LRRC8D: variants seen among roughly 807,000 people sequenced by gnomAD.
LRRC8D encodes the protein volume-regulated anion channel subunit LRRC8D.
LRRC8D carries 20 observed loss-of-function variants against 55.8 expected under a neutral mutation model. That is an observed-to-expected ratio of 0.36 (90% confidence interval 0.25 to 0.52). The LOEUF (loss-of-function observed/expected upper bound fraction) is 0.52. LRRC8D is among the 20% of genes least tolerant of loss of function. LRRC8D has a pLI of 0.93. For missense variants in LRRC8D, 651 were observed against 1,030.8 expected, an observed-to-expected ratio of 0.63 and a Z score of 5.05; for synonymous variants, 352 against 377.0, an observed-to-expected ratio of 0.93 and a Z score of 0.77.
intron 1 of LRRC8D, among the ~76,000 whole-genome samples, chr1:89,822,785 A>G (rs530964527): frequency 6.6e-6 from 1 of 152,170 alleles, no homozygotes; most frequent in South Asian, 2.1e-4. Flanking sequence ...TGGGGTCCTC[A>G]GGCAGCATTT....
chr1:89,845,799 A>G (rs1247336606), intron 2 of LRRC8D, among the ~76,000 whole-genome samples: 1 of 148,898 alleles, frequency 6.7e-6, no homozygotes, highest in Admixed American at 6.7e-5. Context: ...TATTTTTGAG[A>G]CGGAGGAGTT....
At chr1:89,827,153 C>T (rs1660783477) in intron 1 of LRRC8D, among the ~76,000 whole-genome samples, 1 of 152,006 alleles carries the variant, frequency 6.6e-6, no homozygotes. Context: ...GAATTCGAGA[C>T]CAGCCTGGCC....
chr1:89,902,345 C>G lies in LRRC8D; in HGVS notation c.-2-30722C>G, dbSNP rs998433397. Among the ~76,000 whole-genome samples the G allele has an allele frequency of 2.0e-5, 3 of 152,096 alleles. No individual in the cohort carries two copies. In the East Asian group the frequency reaches 5.8e-4, roughly 29 times the overall value. On this transcript the variant is annotated intron_variant, in intron 2 of 2. Transcript: ENST00000337338. Reference sequence around the variant, plus strand: ...CATGATTGTGGACTGTTGGCTGTTTCCCATTTTCAGAGCTGCCCCAAACCA... The same window carrying G: ...CATGATTGTGGACTGTTGGCTGTTTGCCATTTTCAGAGCTGCCCCAAACCA...
intron 2 of LRRC8D, among the ~76,000 whole-genome samples, chr1:89,902,386 A>G (rs1325191494): frequency 1.3e-5 from 2 of 152,138 alleles, no homozygotes; most frequent in Admixed American, 6.5e-5. Context: ...TCCCAGACTC[A>G]GGCATTCTCT....
intron 2 of LRRC8D, among the ~76,000 whole-genome samples, chr1:89,895,211 G>A (rs1048414049): frequency 1.9e-4 from 29 of 152,178 alleles, no homozygotes; most frequent in African/African-American, 7.0e-4. Flanking sequence ...TACTACGCAA[G>A]AAAAGATAAG....
chr1:89,847,787 G>C (rs929484491), intron 2 of LRRC8D, among the ~76,000 whole-genome samples: 1 of 152,076 alleles, frequency 6.6e-6, no homozygotes, highest in East Asian at 1.9e-4. Flanking sequence ...GTTTTACTTC[G>C]TATCTCTTAT....
intron 1 of LRRC8D, among the ~76,000 whole-genome samples, chr1:89,841,588 A>C (rs1185071214): frequency 6.6e-6 from 1 of 152,230 alleles, no homozygotes; most frequent in African/African-American, 2.4e-5. Context: ...CCACTTTCTT[A>C]AAGAGCCCCA....
chr1:89,844,834 AAGGG>A (rs1661232410), intron 2 of LRRC8D, among the ~76,000 whole-genome samples: 6 of 152,266 alleles, frequency 3.9e-5, no homozygotes, highest in African/African-American at 1.4e-4. Flanking sequence ...GGAGGACACT[AAGGG>A]GAGTGGGATG....
At chr1:89,877,588 G>T (rs1321472711) in intron 2 of LRRC8D, among the ~76,000 whole-genome samples, 1 of 152,084 alleles carries the variant, frequency 6.6e-6, no homozygotes, top group East Asian at 1.9e-4. Flanking sequence ...AGAGTAATTT[G>T]TATATTAACC....
At chr1:89,834,105 GGAAA>G (rs1008158743) in intron 1 of LRRC8D, among the ~76,000 whole-genome samples, 7 of 152,210 alleles carry the variant, frequency 4.6e-5, no homozygotes, top group East Asian at 1.9e-4. Context: ...AATTTTTGAA[GGAAA>G]GAAAGGGGAG....
At chr1:89,912,622 T>A (rs1385405750) in intron 2 of LRRC8D, among the ~76,000 whole-genome samples, 2 of 152,212 alleles carry the variant, frequency 1.3e-5, no homozygotes, top group African/African-American at 4.8e-5. Context: ...AATTGTCTGG[T>A]GCATTTTGGC....
intron 1 of LRRC8D, chr1:89,843,310 G>T (rs895096457): frequency 4.9e-6 from 1 of 202,476 alleles, no homozygotes; most frequent in Non-Finnish European, 9.9e-6. Flanking sequence ...CGGAGGAAGC[G>T]TGGAGTCCAT....
chr1:89,857,473 T>TA lies in LRRC8D; in HGVS notation c.-3+13699dup, dbSNP rs1553123652. On this transcript the variant is annotated intron_variant, in intron 2 of 2. Coordinates refer to ENST00000337338, the MANE Select transcript of LRRC8D (RefSeq NM_001134479.2). ...ATAATTTTCTGTATTATCTGATTTT[T>TA]AAAAAAAATAACAAGCAGGTATTTT... 4.6e-5 allele frequency among the ~76,000 whole-genome samples: 7 copies of TA among 151,826 alleles called. No homozygotes were observed. The East Asian group carries it at 7.7e-4, about 17-fold the overall frequency.
intron 1 of LRRC8D, among the ~76,000 whole-genome samples, chr1:89,828,849 A>G (rs992651407): frequency 6.6e-6 from 1 of 152,120 alleles, no homozygotes; most frequent in African/African-American, 2.4e-5. Flanking sequence ...CATAAATCCC[A>G]TTGCTACATC....
intron 2 of LRRC8D, among the ~76,000 whole-genome samples, chr1:89,925,443 C>T (rs111964344): frequency 0.012 from 1,857 of 152,268 alleles, 25 homozygotes; most frequent in Non-Finnish European, 0.017. Flanking sequence ...CCCCCTCCCC[C>T]GTCCATGGAA....
At position 89,935,569 on chromosome 1, in the gene LRRC8D, T is replaced by C; in HGVS notation, c.2501T>C (p.Leu834Pro). 6.2e-7 allele frequency: 1 copy of C among 1,614,110 alleles called. No homozygotes were observed. Residue 834 changes from leucine to proline, a missense_variant, in exon 3 of 3, where the codon CTT (leucine) becomes CCT (proline). Physicochemically the swap from Leu to Pro is moderately conservative, Grantham distance 98 (BLOSUM62 -3). Around this residue, in one of 5 missense-constraint regions of LRRC8D, gnomAD observed 338 missense variants for 479.4 expected, o/e 0.71. Transcript: ENST00000337338. ...AGCGGGCTTGTTGTGGAAGATCACC[T>C]TTTTGATACCCTGCCACTCGAAGTC... ...KKSGLVVEDH[L>P]FDTLPLEVKE...
At chr1:89,835,404 G>A (rs1252269635) in intron 1 of LRRC8D, among the ~76,000 whole-genome samples, 2 of 152,232 alleles carry the variant, frequency 1.3e-5, no homozygotes, top group East Asian at 1.9e-4. Flanking sequence ...TCCTCTGTAA[G>A]TATTAAACAG....
chr1:89,867,327 T>C (rs1661877053), intron 2 of LRRC8D, among the ~76,000 whole-genome samples: 1 of 152,228 alleles, frequency 6.6e-6, no homozygotes, highest in Admixed American at 6.5e-5. Context: ...TCAGCTACAC[T>C]GCAGCATGTG....
At chr1:89,905,790 AC>A (rs1662973205) in intron 2 of LRRC8D, among the ~76,000 whole-genome samples, 1 of 152,224 alleles carries the variant, frequency 6.6e-6, no homozygotes, top group South Asian at 2.1e-4. Context: ...ACCTTTGCAG[AC>A]AGGCAAATCT....
Sources: allele counts gnomAD v4.1 joint callset (sites outside exome capture counted in the v4.1 genomes callset), GRCh38; gene constraint gnomAD v4.1.1; regional missense constraint gnomAD v4.1.1; transcripts MANE v1.5; gene names NCBI Gene and HGNC (gene_info 2026-07-23, HGNC 2026-07-21).